Variants in METTL24 observed in about 807,000 individuals in gnomAD.
The protein encoded by METTL24 is methyltransferase like 24.
METTL24 carries 29 observed loss-of-function variants against 32.7 expected under a neutral mutation model. The observed-to-expected ratio is 0.89, with a 90% CI of 0.66 to 1.21. The LOEUF (loss-of-function observed/expected upper bound fraction) is 1.21. Ranked by LOEUF, METTL24 falls within the 50% of genes most tolerant of loss-of-function variation. The pLI is 0.00. For synonymous variants in METTL24, 163 were observed against 179.5 expected (o/e 0.91, Z 0.73); for missense variants, 439 against 468.1 (o/e 0.94, Z 0.57).
intron 4 of METTL24, among the ~76,000 whole-genome samples, chr6:110,281,696 G>C (rs1719542344): frequency 6.6e-6 from 1 of 151,760 alleles, no homozygotes; most frequent in Admixed American, 6.6e-5. Flanking sequence ...AAAGACAGAG[G>C]TGTGCAGCAA....
At chr6:110,335,467 A>C (rs575795714) in intron 1 of METTL24, among the ~76,000 whole-genome samples, 2 of 152,272 alleles carry the variant, frequency 1.3e-5, no homozygotes, top group South Asian at 2.1e-4. Context: ...TCCATCCATA[A>C]GTAAAAACTT....
At chr6:110,263,760 T>A in intron 4 of METTL24, among the ~76,000 whole-genome samples, 1 of 152,150 alleles carries the variant, frequency 6.6e-6, no homozygotes, top group Non-Finnish European at 1.5e-5. Flanking sequence ...ATGGTACTGG[T>A]ACCAAAACAG....
At chr6:110,252,230 G>A (rs1407855799) in intron 4 of METTL24, among the ~76,000 whole-genome samples, 2 of 152,204 alleles carry the variant, frequency 1.3e-5, no homozygotes, top group Admixed American at 1.3e-4. Context: ...AACCAAAGCA[G>A]ATCGGGTGGT....
At chr6:110,278,820 A>C (rs977521700) in intron 4 of METTL24, among the ~76,000 whole-genome samples, 1 of 152,186 alleles carries the variant, frequency 6.6e-6, no homozygotes, top group African/African-American at 2.4e-5. Flanking sequence ...CCAGGAGTTC[A>C]TGACCAGCCT....
chr6:110,288,451 A>G (rs1182009679), intron 4 of METTL24, among the ~76,000 whole-genome samples: 1 of 151,826 alleles, frequency 6.6e-6, no homozygotes, highest in Non-Finnish European at 1.5e-5. Flanking sequence ...AAAATCTTTC[A>G]TTTGTTAGGT....
chr6:110,267,223 G>C (rs1470254302), intron 4 of METTL24, among the ~76,000 whole-genome samples: 1 of 152,096 alleles, frequency 6.6e-6, no homozygotes, highest in Non-Finnish European at 1.5e-5. Context: ...GAAAAGGAAG[G>C]ATTAAGTGAA....
In METTL24 at chr6:110,299,101, A is replaced by T; in HGVS notation, c.607T>A (p.Cys203Ser). 6.2e-7 allele frequency: 1 copy of T among 1,614,186 alleles called. No homozygotes were observed. ...HFEVSMANNG[C>S]EVHRFDPSVK... ...CTAGGATCAAAACGATGCACTTCAC[A>T]TCCGTTGTTGGCCATGCTAACCTCA... The change falls in exon 4 of 5, where the codon TGT becomes AGT. Residue 203 changes from cysteine (C) to serine (S), a missense_variant. Transcript: ENST00000338882.
chr6:110,267,850 T>C (rs906499137), intron 4 of METTL24, among the ~76,000 whole-genome samples: 9 of 152,118 alleles, frequency 5.9e-5, no homozygotes, highest in African/African-American at 2.2e-4. Context: ...GCATGTCAAA[T>C]GGCAAGAGAG....
chr6:110,261,240 A>T (rs892478250), intron 4 of METTL24, among the ~76,000 whole-genome samples: 2 of 152,240 alleles, frequency 1.3e-5, no homozygotes, highest in Non-Finnish European at 2.9e-5. Flanking sequence ...GTGCAGAGAC[A>T]CATATAGGCT....
chr6:110,329,025 C>A (rs1204168180), intron 1 of METTL24, among the ~76,000 whole-genome samples: 1 of 152,166 alleles, frequency 6.6e-6, no homozygotes, highest in African/African-American at 2.4e-5. Context: ...CTTCTAATGC[C>A]CCATTCCTCT....
chr6:110,309,911 T>C (rs1440669922), intron 3 of METTL24, among the ~76,000 whole-genome samples: 1 of 152,106 alleles, frequency 6.6e-6, no homozygotes, highest in Admixed American at 6.5e-5. Context: ...AACCCTTTCC[T>C]CTTTTTATGT....
chr6:110,321,755 T>C lies in METTL24; in HGVS notation c.417+1019A>G, dbSNP rs73763029. ...ACAAATACTAAAATTCCTATGATTGTCTCACTGCATTATATGATAAATGAG... is the reference window on the plus strand; with the variant it reads ...ACAAATACTAAAATTCCTATGATTGCCTCACTGCATTATATGATAAATGAG... On this transcript the variant is annotated intron_variant, in intron 2 of 4. Coordinates refer to ENST00000338882, the MANE Select transcript of METTL24 (RefSeq NM_001123364.3). 9.2e-3 allele frequency among the ~76,000 whole-genome samples: 1,399 copies of C among 152,302 alleles called. 12 individuals are homozygous for C. The highest frequency in any genetic ancestry group is 0.032 in the African/African-American group (1,338 of 41,558).
intron 3 of METTL24, among the ~76,000 whole-genome samples, chr6:110,303,100 A>T (rs1421528357): frequency 6.6e-6 from 1 of 151,888 alleles, no homozygotes; most frequent in African/African-American, 2.4e-5. Flanking sequence ...GCCATGAGGG[A>T]CCCTGCCATG....
At chr6:110,268,397 C>T (rs980555740) in intron 4 of METTL24, among the ~76,000 whole-genome samples, 5 of 152,226 alleles carry the variant, frequency 3.3e-5, no homozygotes, top group African/African-American at 1.2e-4. Context: ...TTGAAGGATC[C>T]AAGCACAAAA....
intron 1 of METTL24, 115 bp from the exon 2 acceptor site, chr6:110,322,987 A>T: frequency 1.5e-6 from 1 of 668,216 alleles, no homozygotes; most frequent in Non-Finnish European, 2.5e-6. Context: ...AAACACACAC[A>T]TATGCACACA....
chr6:110,311,164 C>T (rs1771714214), intron 3 of METTL24, among the ~76,000 whole-genome samples: 1 of 152,124 alleles, frequency 6.6e-6, no homozygotes, highest in Admixed American at 6.5e-5. Context: ...CTCACTCTTC[C>T]CTCACTATCA....
intron 2 of METTL24, among the ~76,000 whole-genome samples, chr6:110,321,839 T>G (rs1245888520): frequency 6.6e-6 from 1 of 152,190 alleles, no homozygotes; most frequent in African/African-American, 2.4e-5. Context: ...TATTCTCTCC[T>G]ACGGAGGAAA....
Position 110,285,599 on chromosome 6 carries a change from T to G in METTL24, c.786+13323A>C, listed in dbSNP as rs113775191. 3.3e-3 allele frequency among the ~76,000 whole-genome samples: 485 copies of G among 145,568 alleles called. 6 individuals are homozygous for G. Among genetic ancestry groups the G allele is most frequent in the African/African-American group, 0.013 (470 of 35,238 alleles). ...GATAATTCACTAATATGATAGCAGG[T>G]TCTCATGCCCTTCCTGTCAAAAGGC... On this transcript the variant is annotated intron_variant, in intron 4 of 4. Coordinates refer to ENST00000338882, the MANE Select transcript of METTL24 (RefSeq NM_001123364.3).
At position 110,246,092 on chromosome 6, in the gene METTL24, T is replaced by C. The variant is rs1227910959; in HGVS notation, c.955A>G (p.Ser319Gly). ...TTTTGTTCTAACTCTTTGAGAAGGCTGTACCAGAACCGCACAACGCTGCTG... is the reference window on the plus strand; with the variant it reads ...TTTTGTTCTAACTCTTTGAGAAGGCCGTACCAGAACCGCACAACGCTGCTG... ...SDSSVVRFWY[S>G]LLKELEQKDF... Residue 319 changes from serine to glycine, a missense_variant, in exon 5 of 5, where the codon AGC becomes GGC. Transcript: ENST00000338882. 1.9e-6 allele frequency: 3 copies of C among 1,614,224 alleles called. No homozygotes were observed. The highest frequency in any genetic ancestry group is 1.7e-6 in the Non-Finnish European group (2 of 1,180,042).
Sources: allele counts gnomAD v4.1 joint callset (sites outside exome capture counted in the v4.1 genomes callset), GRCh38; gene constraint gnomAD v4.1.1; transcripts MANE v1.5; gene names NCBI Gene and HGNC (gene_info 2026-07-23, HGNC 2026-07-21).